The following GCN1 variants were observed in gnomAD, a reference collection of about 807,000 sequenced individuals.
GCN1 encodes the protein GCN1 activator of EIF2AK4.
GCN1 carries 90 observed loss-of-function variants against 288.4 expected under a neutral mutation model. The observed-to-expected ratio is 0.31, with a 90% confidence interval of 0.26 to 0.37. The LOEUF is 0.37. Among genes scored for constraint, GCN1 ranks in the 10% least tolerant of loss-of-function variants. The probability of loss-of-function intolerance (pLI) is 1.00; values close to 1 mark genes in which losing one functional copy is unlikely to be tolerated. For missense variants in GCN1, 2,586 were observed against 3,419.9 expected (o/e 0.76, Z 6.08); for synonymous variants, 1,386 against 1,420.2 (o/e 0.98, Z 0.54).
intron 12 of GCN1, 81 bp downstream of exon 12, chr12:120,175,081 G>A (rs1878435176): frequency 1.6e-6 from 2 of 1,215,754 alleles, no homozygotes. Flanking sequence ...GAGCTGAGAT[G>A]GCACCACTGC....
chr12:120,157,029 T>C (rs1189190247), intron 26 of GCN1, 37 bp from the exon 27 acceptor site: 1 of 1,437,638 alleles, frequency 7.0e-7, no homozygotes, highest in South Asian at 1.1e-5. Flanking sequence ...GATGAGGCTG[T>C]GGGGAGGTCT....
At chr12:120,130,785 C>A (rs751368346) in intron 55 of GCN1, 32 bp from the exon 56 acceptor site, 7 of 1,396,622 alleles carry the variant, frequency 5.0e-6, no homozygotes, top group Non-Finnish European at 7.1e-6. Flanking sequence ...AGACGGGAGG[C>A]CCCCCACCCC....
Position 120,170,308 on chromosome 12 carries a change from C to A in GCN1, c.1380G>T (p.Leu460Phe). The change falls in exon 15 of 58, where the codon TTG (leucine) becomes TTT (phenylalanine). Residue 460 changes from leucine to phenylalanine, a missense_variant. By Grantham distance (22) the Leu-to-Phe change is conservative. Coordinates refer to ENST00000300648, the MANE Select transcript of GCN1 (RefSeq NM_006836.2). ...GCAAGGGCAGTAAGTCCAGGGCCTGCAACAGCGTGTCACCTGTGGAGAGAG... is the reference window on the plus strand; with the variant it reads ...GCAAGGGCAGTAAGTCCAGGGCCTGAAACAGCGTGTCACCTGTGGAGAGAG... Reference protein sequence around the residue: ...MLASYRGDTLLQALDLLPLLI... With the variant: ...MLASYRGDTLFQALDLLPLLI... The A allele has an allele frequency of 6.2e-7, 1 of 1,614,122 alleles. No individual in the cohort carries two copies. The highest frequency in any genetic ancestry group is 1.7e-5 in the Admixed American group (1 of 60,016).
At chr12:120,138,603 G>C in intron 46 of GCN1, 92 bp downstream of exon 46, 1 of 1,351,046 alleles carries the variant, frequency 7.4e-7, no homozygotes, top group Non-Finnish European at 1.0e-6. Flanking sequence ...CCCACATTGC[G>C]ACTGCCTTGG....
rs1044289778 is a variant in GCN1, at chr12:120,177,740, C to G, written c.673G>C (p.Asp225His). ...ATCAGGATGTTCTTCATGTAAAAGT[C>G]CAGTAGGGCGCTCTAGAGAACACAA... is the stretch of plus-strand genomic sequence containing the variant. ...VVSQHKSALL[D>H]FYMKNILMSK... The change falls in exon 8 of 58, where the codon GAC becomes CAC. Residue 225 changes from aspartate (D) to histidine (H), a missense_variant. Around this residue, in one of 8 missense-constraint regions of GCN1, gnomAD observed 913 missense variants for 1,107.0 expected, o/e 0.82. Transcript: ENST00000300648. The G allele has an allele frequency of 6.2e-7, 1 of 1,612,044 alleles. No homozygotes were observed. Among genetic ancestry groups the G allele is most frequent in the African/African-American group, 1.3e-5 (1 of 74,980 alleles).
rs1876734808 is a variant in GCN1 at position 120,129,359 on chromosome 12, C to T, written c.7807G>A (p.Asp2603Asn). The T allele has an allele frequency of 6.2e-7, 1 of 1,614,154 alleles. No individual in the cohort carries two copies. Among genetic ancestry groups the T allele is most frequent in the Non-Finnish European group, 8.5e-7 (1 of 1,180,006 alleles). Residue 2603 changes from aspartate (D) to asparagine (N), a missense_variant, in exon 57 of 58, where the codon GAT (aspartate) becomes AAT (asparagine). By Grantham distance (23) the Asp-to-Asn change is conservative. Transcript: ENST00000300648. ...TAGGCCCTGACCACGGTGTTCTTAT[C>T]CTTGGTGTTGTCAAGAAGAGCCTTC... ...ILKALLDNTK[D>N]KNTVVRAYSD...
At chr12:120,148,823 T>TA (rs1297930869) in intron 36 of GCN1, among the ~76,000 whole-genome samples, 3 of 152,124 alleles carry the variant, frequency 2.0e-5, no homozygotes, top group African/African-American at 4.8e-5. Context: ...CCAGACATTT[T>TA]ATTTATTTAT....
At chr12:120,188,197 G>A (rs2139145833) in intron 2 of GCN1, among the ~76,000 whole-genome samples, 1 of 152,332 alleles carries the variant, frequency 6.6e-6, no homozygotes, top group East Asian at 1.9e-4. Context: ...ACTTTGGGAG[G>A]CCAAGGCAGG....
At position 120,194,685 on chromosome 12, in the gene GCN1, T is replaced by C. The variant is rs1436946680; in HGVS notation, c.13A>G (p.Thr5Ala). 1.3e-6 allele frequency: 2 copies of C among 1,513,398 alleles called. No individual in the cohort carries two copies. Among genetic ancestry groups the C allele is most frequent in the African/African-American group, 1.4e-5 (1 of 69,682 alleles). 93.7% of individuals were successfully genotyped at this position (1,513,398 alleles called of 1,614,324 possible). MAAD[T>A]QVSETLKRFA... is the part of the protein sequence containing the mutation. ...CCCGCAGCCGCCCGCCTCACCTGCG[T>C]GTCCGCCGCCATCCTGCCGGGGCTG... is the stretch of plus-strand genomic sequence containing the variant. Residue 5 changes from threonine to alanine, a missense_variant, in exon 1 of 58, where the codon ACG becomes GCG. By Grantham distance (58) the Thr-to-Ala change is moderately conservative. Coordinates refer to ENST00000300648, the MANE Select transcript of GCN1 (RefSeq NM_006836.2).
Position 120,134,563 on chromosome 12 carries a change from C to T in GCN1, c.7172G>A (p.Gly2391Asp), listed in dbSNP as rs865941029. 2 of 1,614,134 alleles carry T rather than the reference C, an allele frequency of 1.2e-6. No individual in the cohort carries two copies. Among genetic ancestry groups the T allele is most frequent in the Non-Finnish European group, 1.7e-6 (2 of 1,179,988 alleles). The change falls in exon 52 of 58, where the codon GGC becomes GAC. Residue 2391 changes from glycine (G) to aspartate (D), a missense_variant. Transcript: ENST00000300648. This position sits in a 1 kb window ranked among gnomAD's most constrained non-coding sequence, Gnocchi z 5.0. ...ACCTGGGTCCTCCATGGCGCGGATG[C>T]CATTGAGCAGCTCTGTGAAGAGGGG... ...VDPLFTELLN[G>D]IRAMEDPGVR...
intron 38 of GCN1, among the ~76,000 whole-genome samples, chr12:120,146,423 C>T (rs931770151): frequency 1.3e-5 from 2 of 151,842 alleles, no homozygotes; most frequent in Non-Finnish European, 2.9e-5. Context: ...ATTATCACGG[C>T]GGTATTATCA....
rs758272884 is a variant in GCN1 at position 120,153,665 on chromosome 12, C to T, written c.3867+79G>A. ...ATTTCTGGCCCCTGCTCAGCCCTAG[C>T]GCCTGCCTCCCGTGTCTCCTTAGCG... On this transcript the variant is annotated intron_variant, in intron 32 of 57. Transcript: ENST00000300648. This position sits in a 1 kb window ranked among gnomAD's most constrained non-coding sequence, Gnocchi z 4.4. The T allele has an allele frequency of 7.9e-5, 110 of 1,389,066 alleles. No individual in the cohort carries two copies. The highest frequency in any genetic ancestry group is 9.9e-5 in the Non-Finnish European group (98 of 993,032). 86.0% of individuals were successfully genotyped at this position (1,389,066 alleles called of 1,614,324 possible).
chr12:120,173,535 G>A (rs1254684388), intron 14 of GCN1, 118 bp downstream of exon 14: 3 of 688,296 alleles, frequency 4.4e-6, no homozygotes, highest in Admixed American at 5.1e-5. Context: ...ATTTCAGGAA[G>A]AATTAAACAG....
chr12:120,185,725 T>C (rs537457543), intron 2 of GCN1, among the ~76,000 whole-genome samples: 24 of 151,998 alleles, frequency 1.6e-4, no homozygotes, highest in Non-Finnish European at 2.9e-4. Flanking sequence ...CTCAGCCACA[T>C]GAGTAGCTGA....
intron 23 of GCN1, 38 bp from the exon 24 acceptor site, chr12:120,160,061 C>T: frequency 6.3e-7 from 1 of 1,597,448 alleles, no homozygotes; most frequent in Non-Finnish European, 8.6e-7. Context: ...GTCAGCAGGG[C>T]CCTGCTTGTG....
At chr12:120,131,484 A>G in intron 54 of GCN1, 151 bp from the exon 55 acceptor site, 1 of 708,182 alleles carries the variant, frequency 1.4e-6, no homozygotes, top group South Asian at 1.8e-5. Flanking sequence ...CCTCCCTGCT[A>G]TCTTGGCAGA....
rs1202985707 is a variant in GCN1 at position 120,142,557 on chromosome 12, A to G, written c.5779T>C (p.Phe1927Leu). The part of the protein sequence containing the change: ...RTLREILPTL[F>L]GLLLGFLAST... ...GCCAGGAAACCCAGCAGGAGCCCAA[A>G]GAGAGTGGGTAGGATCTCACGCAAG... The change falls in exon 44 of 58, where the codon TTT (phenylalanine) becomes CTT (leucine). Residue 1927 changes from phenylalanine to leucine, a missense_variant. Around this residue, in one of 8 missense-constraint regions of GCN1, gnomAD observed 437 missense variants for 570.5 expected, o/e 0.77. Transcript: ENST00000300648. This position sits in a 1 kb window ranked among gnomAD's most constrained non-coding sequence, Gnocchi z 4.9. The G allele has an allele frequency of 1.2e-6, 2 of 1,613,926 alleles. No homozygotes were observed. The highest frequency in any genetic ancestry group is 1.7e-6 in the Non-Finnish European group (2 of 1,180,034).
intron 2 of GCN1, among the ~76,000 whole-genome samples, chr12:120,187,923 G>A (rs1594291457): frequency 6.6e-6 from 1 of 150,602 alleles, no homozygotes. Context: ...AATTTATTGA[G>A]TGAAGGCAAA....
intron 2 of GCN1, among the ~76,000 whole-genome samples, chr12:120,189,849 C>T (rs1029361465): frequency 1.3e-5 from 2 of 152,054 alleles, no homozygotes; most frequent in African/African-American, 2.4e-5. Context: ...TGTGGTGGCG[C>T]ACACCTGTAA....
Sources: gnomAD v4.1 joint callset for allele counts (sites outside exome capture counted in the v4.1 genomes callset) on GRCh38, gnomAD v4.1.1 for gene constraint, gnomAD v4.1.1 regional missense constraint, Gnocchi (gnomAD v3.1) non-coding constraint, MANE v1.5 for transcripts, NCBI Gene and HGNC (gene_info 2026-07-23, HGNC 2026-07-21) for gene names.